The following PRKDC variants were observed in gnomAD, a reference collection of about 807,000 sequenced individuals.
PRKDC encodes the protein DNA-dependent protein kinase catalytic subunit.
In PRKDC, 82 loss-of-function variants were observed where a neutral mutation model predicts 486.9. The ratio of observed to expected loss-of-function variants is 0.17; its 90% confidence interval spans 0.14 to 0.20. The LOEUF is 0.20. Ranked by LOEUF, PRKDC falls within the 10% of genes least tolerant of loss-of-function variation. PRKDC has a pLI of 1.00. For synonymous variants in PRKDC, 1,895 were observed against 1,837.0 expected, an observed-to-expected ratio of 1.03 and a Z score of -0.81; for missense variants, 4,504 against 5,038.2, an observed-to-expected ratio of 0.89 and a Z score of 3.21.
rs556648540 is a variant in PRKDC at position 47,935,075 on chromosome 8, A to G, written c.1448-17T>C. The G allele has an allele frequency of 8.9e-6, 13 of 1,466,994 alleles. No homozygotes were observed. In the African/African-American group the frequency reaches 1.0e-4, roughly 11 times the overall value. 90.9% of individuals were successfully genotyped at this position (1,466,994 alleles called of 1,614,324 possible). ...CCTGATGCACTGAAAAAAGAAAAAG[A>G]AAACAAAAATGAAGGAAACACTGAA... On this transcript the variant is annotated splice_polypyrimidine_tract_variant and intron_variant, in intron 13 of 85. Transcript: ENST00000314191.
At chr8:47,861,959 T>G (rs2088686324) in intron 44 of PRKDC, 103 bp downstream of exon 44, 2 of 936,278 alleles carry the variant, frequency 2.1e-6, no homozygotes, top group Admixed American at 5.5e-5. Flanking sequence ...CCAGTTTTTG[T>G]TGAAAGCCGA....
chr8:47,830,689 C>T lies in PRKDC; in HGVS notation c.8313G>A (p.Leu2771=). 1.2e-6 allele frequency: 2 copies of T among 1,613,986 alleles called. No individual in the cohort carries two copies. Among genetic ancestry groups the T allele is most frequent in the South Asian group, 1.1e-5 (1 of 91,076 alleles). Residue 2771 remains leucine (L), a synonymous_variant, in exon 61 of 86, where the codon CTG becomes CTA. Transcript: ENST00000314191. The stretch of plus-strand genomic sequence containing the variant: ...GGTCTCCGTGCCGGTAGCTTCTGTA[C>T]AGAACGACCTGGGCATCCTGCTTCA... The part of the protein sequence containing the change: ...LKMKQDAQVV[L]YRSYRHGDLP...
At chr8:47,939,740 C>A in intron 10 of PRKDC, 43 bp from the exon 11 acceptor site, 1 of 1,437,344 alleles carries the variant, frequency 7.0e-7, no homozygotes, top group South Asian at 1.4e-5. Context: ...TATTTAATAG[C>A]AATGGAATCT....
At chr8:47,859,533 G>GT in intron 46 of PRKDC, 78 bp downstream of exon 46, 2 of 1,487,094 alleles carry the variant, frequency 1.3e-6, no homozygotes, top group South Asian at 1.3e-5. Flanking sequence ...GCTTCCTGTA[G>GT]TAACAGCAAG....
chr8:47,863,532 A>G lies in PRKDC; in HGVS notation c.5617T>C (p.Tyr1873His). Residue 1873 changes from tyrosine (Y) to histidine (H), a missense_variant, in exon 42 of 86, where the codon TAC (tyrosine) becomes CAC (histidine). This residue lies in a region of PRKDC where 80 missense variants were observed against 132.3 expected (regional missense o/e 0.60). Coordinates refer to ENST00000314191, the MANE Select transcript of PRKDC (RefSeq NM_006904.7). ...FDTQITKKMG[Y>H]YKILDVMYSR... is the part of the protein sequence containing the mutation. ...TACATCACGTCTAGAATCTTATAGTAGCCCATCTTCTTGGTGATTTGAGTA... is the reference window on the plus strand; with the variant it reads ...TACATCACGTCTAGAATCTTATAGTGGCCCATCTTCTTGGTGATTTGAGTA... 1.2e-6 allele frequency: 2 copies of G among 1,612,914 alleles called. No homozygotes were observed. Among genetic ancestry groups the G allele is most frequent in the Non-Finnish European group, 1.7e-6 (2 of 1,179,286 alleles).
chr8:47,783,494 G>A (rs1335888768), intron 78 of PRKDC, among the ~76,000 whole-genome samples: 5 of 151,932 alleles, frequency 3.3e-5, no homozygotes, highest in African/African-American at 1.2e-4. Flanking sequence ...GGAGGCTGAG[G>A]CAGGAGAATC....
At chr8:47,846,872 G>C (rs2088277907) in intron 54 of PRKDC, among the ~76,000 whole-genome samples, 1 of 152,066 alleles carries the variant, frequency 6.6e-6, no homozygotes, top group South Asian at 2.1e-4. Flanking sequence ...CATTACAGCT[G>C]AGATCCAAAT....
At chr8:47,879,912 T>C (rs185769979) in intron 38 of PRKDC, among the ~76,000 whole-genome samples, 1 of 148,872 alleles carries the variant, frequency 6.7e-6, no homozygotes, top group East Asian at 2.0e-4. Context: ...ATGATCTTAG[T>C]AGGCTCACTG....
chr8:47,924,216 T>C (rs2090119906), intron 21 of PRKDC, among the ~76,000 whole-genome samples: 1 of 152,134 alleles, frequency 6.6e-6, no homozygotes, highest in South Asian at 2.1e-4. Flanking sequence ...CATAATATAT[T>C]TTCCCGGCCC....
intron 7 of PRKDC, among the ~76,000 whole-genome samples, chr8:47,950,056 G>A (rs2090602255): frequency 6.6e-6 from 1 of 152,044 alleles, no homozygotes; most frequent in Non-Finnish European, 1.5e-5. Context: ...TGGATCACCT[G>A]AGGTCAGGAG....
rs1408325203 is a variant in PRKDC at position 47,934,059 on chromosome 8, G to A, written c.1529C>T (p.Ala510Val). The A allele has an allele frequency of 1.2e-6, 2 of 1,613,640 alleles. No homozygotes were observed. Among genetic ancestry groups the A allele is most frequent in the Admixed American group, 1.7e-5 (1 of 59,982 alleles). The change falls in exon 15 of 86, where the codon GCT becomes GTT. Residue 510 changes from alanine to valine, a missense_variant. Transcript: ENST00000314191. Reference protein sequence around the residue: ...GPESESEDHRASGEVRTGKWK... With the variant: ...GPESESEDHRVSGEVRTGKWK... ...TTTGCCAGTTCTGACTTCCCCTGAA[G>A]CACGGTGGTCTTCAGATTCAGACTC...
intron 7 of PRKDC, among the ~76,000 whole-genome samples, chr8:47,948,213 G>A (rs137881118): frequency 0.053 from 7,939 of 150,642 alleles, 696 homozygotes; most frequent in African/African-American, 0.18. Context: ...GCGCGATCTC[G>A]GGTCACTGCA....
intron 10 of PRKDC, among the ~76,000 whole-genome samples, chr8:47,942,414 A>C (rs886784018): frequency 7.9e-5 from 12 of 152,168 alleles, no homozygotes; most frequent in Admixed American, 3.9e-4. Flanking sequence ...CCATCGGCTC[A>C]GTTTTTTGGA....
intron 67 of PRKDC, among the ~76,000 whole-genome samples, chr8:47,818,499 A>C (rs2154498878): frequency 6.6e-6 from 1 of 150,734 alleles, no homozygotes; most frequent in East Asian, 2.0e-4. Flanking sequence ...GAATGGCATG[A>C]ACCCGGGAGG....
intron 7 of PRKDC, among the ~76,000 whole-genome samples, chr8:47,953,271 C>T (rs1267135703): frequency 6.6e-6 from 1 of 152,164 alleles, no homozygotes; most frequent in East Asian, 1.9e-4. Context: ...AGTACCACTG[C>T]ACTCCAGCCT....
At chr8:47,786,391 G>A (rs1437083798) in intron 76 of PRKDC, among the ~76,000 whole-genome samples, 1 of 152,178 alleles carries the variant, frequency 6.6e-6, no homozygotes, top group Non-Finnish European at 1.5e-5. Context: ...CAGCCTGGGC[G>A]ACAGATCGAG....
In PRKDC at chr8:47,952,634, T is replaced by A. The variant is rs190526943; in HGVS notation, c.721+986A>T. ...ACTTTGGGAGATCAAGGTGGACAGA[T>A]TACTTGAGCCCAGGAGTTCAAGACC... On this transcript the variant is annotated intron_variant, in intron 7 of 85. Transcript: ENST00000314191. Among the ~76,000 whole-genome samples, 3 of 151,902 alleles carry A rather than the reference T, an allele frequency of 2.0e-5. No homozygotes were observed. The East Asian group carries it at 5.8e-4, about 29-fold the overall frequency.
chr8:47,898,056 T>C (rs2089613510), intron 29 of PRKDC, among the ~76,000 whole-genome samples: 1 of 152,214 alleles, frequency 6.6e-6, no homozygotes, highest in Non-Finnish European at 1.5e-5. Flanking sequence ...GCAGTTTCAT[T>C]TCCTAATTTT....
chr8:47,799,536 C>T lies in PRKDC; in HGVS notation c.10117-146G>A, dbSNP rs143124851. ...ATGGAACTGGAAAAACAAGAGTCCA[C>T]CCTGGCTGTGAAGGAGCAAGCAATT... is the stretch of plus-strand genomic sequence containing the variant. On this transcript the variant is annotated intron_variant, in intron 71 of 85. Coordinates refer to ENST00000314191, the MANE Select transcript of PRKDC (RefSeq NM_006904.7). 5 of 842,196 alleles carry T rather than the reference C, an allele frequency of 5.9e-6. No individual in the cohort carries two copies. The South Asian group carries it at 9.2e-5, about 15-fold the overall frequency. The allele number at this position is 842,196 out of a possible 1,614,324, so 52.2% of individuals were successfully genotyped here.
Sources: gnomAD v4.1 joint callset for allele counts (sites outside exome capture counted in the v4.1 genomes callset) on GRCh38, gnomAD v4.1.1 for gene constraint, gnomAD v4.1.1 regional missense constraint, MANE v1.5 for transcripts, NCBI Gene and HGNC (gene_info 2026-07-23, HGNC 2026-07-21) for gene names.